Variants in MUSK observed in about 807,000 individuals in gnomAD.
MUSK encodes muscle associated receptor tyrosine kinase, also known as muscle, skeletal receptor tyrosine-protein kinase.
Under a neutral mutation model 88.7 loss-of-function variants are expected in MUSK, and 55 were observed. That is an observed-to-expected ratio of 0.62 (90% confidence interval 0.50 to 0.78). The LOEUF (loss-of-function observed/expected upper bound fraction) is 0.78, where lower values mean the gene tolerates loss of function less well. Among genes scored for constraint, MUSK ranks in the 30% least tolerant of loss-of-function variants. The probability of loss-of-function intolerance (pLI) is 0.00; values close to 1 mark genes in which losing one functional copy is unlikely to be tolerated. For missense variants in MUSK, 1,015 were observed against 1,074.3 expected, an observed-to-expected ratio of 0.94 and a Z score of 0.77; for synonymous variants, 387 against 391.9, an observed-to-expected ratio of 0.99 and a Z score of 0.15.
At chr9:110,769,032 G>A (rs781750269) in intron 9 of MUSK, among the ~76,000 whole-genome samples, 2 of 152,016 alleles carry the variant, frequency 1.3e-5, no homozygotes, top group African/African-American at 2.4e-5. Context: ...CTGCTTTCTC[G>A]ATGTGTGTGG....
At chr9:110,705,432 G>A (rs978914608) in intron 5 of MUSK, among the ~76,000 whole-genome samples, 2 of 152,212 alleles carry the variant, frequency 1.3e-5, no homozygotes, top group Admixed American at 6.5e-5. Context: ...AGCTGGCAGA[G>A]TCACCTAGAT....
chr9:110,728,058 C>T (rs1257630209), intron 5 of MUSK, among the ~76,000 whole-genome samples: 2 of 152,092 alleles, frequency 1.3e-5, no homozygotes, highest in Non-Finnish European at 2.9e-5. Context: ...TCAATCTAAA[C>T]ATTTTACAAT....
intron 3 of MUSK, among the ~76,000 whole-genome samples, chr9:110,690,037 A>G (rs1273157360): frequency 1.1e-5 from 1 of 94,098 alleles, no homozygotes; most frequent in Non-Finnish European, 1.8e-5. Flanking sequence ...ATATATTAAT[A>G]TAAGTATAAA....
At chr9:110,752,711 T>C (rs193299425) in intron 7 of MUSK, among the ~76,000 whole-genome samples, 1 of 152,374 alleles carries the variant, frequency 6.6e-6, no homozygotes. Context: ...GCTGATCTTA[T>C]GCTTATGCTT....
At chr9:110,704,095 A>G (rs753412078) in intron 5 of MUSK, among the ~76,000 whole-genome samples, 8 of 152,228 alleles carry the variant, frequency 5.3e-5, no homozygotes, top group Admixed American at 1.3e-4. Context: ...AGGTTTATGA[A>G]AAATAAAAAT....
At chr9:110,701,684 AC>A (rs200687881) in intron 5 of MUSK, among the ~76,000 whole-genome samples, 3 of 4,068 alleles carry the variant, frequency 7.4e-4, no homozygotes, top group Non-Finnish European at 1.2e-3. Context: ...TATTTTTTTT[AC>A]TTTACTTTAT....
At chr9:110,682,233 T>C (rs558073112) in intron 1 of MUSK, among the ~76,000 whole-genome samples, 18 of 152,234 alleles carry the variant, frequency 1.2e-4, no homozygotes, top group African/African-American at 3.6e-4. Context: ...TCTATTTTTA[T>C]AAAATTAGGG....
chr9:110,729,844 T>C (rs1212536881), intron 5 of MUSK, among the ~76,000 whole-genome samples: 1 of 152,030 alleles, frequency 6.6e-6, no homozygotes, highest in Non-Finnish European at 1.5e-5. Flanking sequence ...GTAGTTCATC[T>C]CCAGCCAAAC....
At chr9:110,765,662 C>T (rs931705992) in intron 8 of MUSK, among the ~76,000 whole-genome samples, 1 of 152,142 alleles carries the variant, frequency 6.6e-6, no homozygotes, top group African/African-American at 2.4e-5. Flanking sequence ...CAACCTCTGC[C>T]CCCCAGATTC....
chr9:110,694,246 T>C (rs1262231298), intron 3 of MUSK, among the ~76,000 whole-genome samples: 6 of 130,578 alleles, frequency 4.6e-5, no homozygotes, highest in Non-Finnish European at 3.2e-5. Flanking sequence ...ATTAGCCGGG[T>C]GTGGTGGTGG....
At chr9:110,687,052 C>A in intron 2 of MUSK, 65 bp from the exon 3 acceptor site, 1 of 1,539,030 alleles carries the variant, frequency 6.5e-7, no homozygotes, top group Non-Finnish European at 8.8e-7. Context: ...CGGTTTGATA[C>A]ATTAATCATG....
At chr9:110,708,497 AAAACC>A (rs1449688198) in intron 5 of MUSK, among the ~76,000 whole-genome samples, 2 of 152,294 alleles carry the variant, frequency 1.3e-5, no homozygotes, top group African/African-American at 4.8e-5. Context: ...TGTGCATTTG[AAAACC>A]AAACAAAGAA....
At chr9:110,776,423 C>G (rs2077672262) in intron 10 of MUSK, among the ~76,000 whole-genome samples, 1 of 152,202 alleles carries the variant, frequency 6.6e-6, no homozygotes, top group Non-Finnish European at 1.5e-5. Flanking sequence ...CTTTAATGAA[C>G]TTTGTTTGTA....
In MUSK at chr9:110,803,798, A is replaced by G. The variant is rs1057006033; in HGVS notation, c.*2810A>G. Among the ~76,000 whole-genome samples, 2 of 152,172 alleles carry G rather than the reference A, an allele frequency of 1.3e-5. No homozygotes were observed. The highest frequency in any genetic ancestry group is 4.8e-5 in the African/African-American group (2 of 41,434). ...TTCTGAATCACAGGAGTATAGATGC[A>G]TTATTCACCAATATTGTTTACTTTT... is the stretch of plus-strand genomic sequence containing the variant. On this transcript the variant is annotated 3_prime_UTR_variant, in exon 15 of 15. Transcript: ENST00000374448.
At position 110,765,123 on chromosome 9, in the gene MUSK, A is replaced by G. The variant is rs80287243; in HGVS notation, c.921-2697A>G. On this transcript the variant is annotated intron_variant, in intron 8 of 14. Transcript: ENST00000374448. Reference sequence around the variant, plus strand: ...TTGATGTATAATTAAAGGAAACATCATGAAATGTCTATTATTTTTAAAAAT... The same window carrying G: ...TTGATGTATAATTAAAGGAAACATCGTGAAATGTCTATTATTTTTAAAAAT... Among the ~76,000 whole-genome samples the G allele has an allele frequency of 8.1e-4, 123 of 152,318 alleles. No homozygotes were observed. The East Asian group carries it at 0.021, about 27-fold the overall frequency.
chr9:110,687,576 C>T (rs2076214860), intron 3 of MUSK, among the ~76,000 whole-genome samples: 2 of 152,054 alleles, frequency 1.3e-5, no homozygotes, highest in Admixed American at 1.3e-4. Context: ...CTCTGGTGAT[C>T]CGCCCACCTT....
chr9:110,705,878 A>C (rs1297827391), intron 5 of MUSK, among the ~76,000 whole-genome samples: 1 of 152,198 alleles, frequency 6.6e-6, no homozygotes, highest in Non-Finnish European at 1.5e-5. Context: ...GCAGGATGTG[A>C]CCAGGGAACA....
intron 6 of MUSK, among the ~76,000 whole-genome samples, chr9:110,735,363 A>G (rs2077016981): frequency 6.6e-6 from 1 of 152,170 alleles, no homozygotes; most frequent in Non-Finnish European, 1.5e-5. Context: ...TACACAATGA[A>G]AGAAATATTA....
intron 7 of MUSK, among the ~76,000 whole-genome samples, chr9:110,755,939 T>TATATATATATATACACATATATATATAC (rs2077307699): frequency 1.4e-5 from 1 of 71,198 alleles, no homozygotes; most frequent in Non-Finnish European, 2.8e-5. Context: ...TATACATATA[T>TATATATATATATACACATATATATATAC]ATATATATAT....
Sources: gnomAD v4.1 joint callset for allele counts (sites outside exome capture counted in the v4.1 genomes callset) on GRCh38, gnomAD v4.1.1 for gene constraint, MANE v1.5 for transcripts, NCBI Gene and HGNC (gene_info 2026-07-23, HGNC 2026-07-21) for gene names.